TGFBR1: variants seen among roughly 807,000 people sequenced by gnomAD.
TGFBR1 encodes transforming growth factor beta receptor 1.
In TGFBR1, 20 loss-of-function variants were observed where a neutral mutation model predicts 55.1. The ratio of observed to expected loss-of-function variants is 0.36; its 90% CI spans 0.26 to 0.53. The LOEUF (loss-of-function observed/expected upper bound fraction) is 0.53, where lower values mean the gene tolerates loss of function less well. TGFBR1 is among the 20% of genes least tolerant of loss of function. The pLI, the probability that TGFBR1 is intolerant of heterozygous loss-of-function variation, is 0.91. For missense variants in TGFBR1, 385 were observed against 617.6 expected (o/e 0.62, Z 3.99); for synonymous variants, 220 against 214.8 (o/e 1.02, Z -0.21).
At chr9:99,120,469 A>G (rs1826866406) in intron 1 of TGFBR1, among the ~76,000 whole-genome samples, 1 of 152,232 alleles carries the variant, frequency 6.6e-6, no homozygotes, top group South Asian at 2.1e-4. Flanking sequence ...AACTCATTGA[A>G]GTGGAACAAA....
chr9:99,115,623 G>T (rs1207327224), intron 1 of TGFBR1, among the ~76,000 whole-genome samples: 1 of 151,810 alleles, frequency 6.6e-6, no homozygotes, highest in African/African-American at 2.4e-5. Context: ...TTTATTTTTT[G>T]CTTGATGTAT....
chr9:99,129,624 T>C (rs1827156097), intron 2 of TGFBR1, among the ~76,000 whole-genome samples: 2 of 152,178 alleles, frequency 1.3e-5, no homozygotes, highest in Non-Finnish European at 2.9e-5. Flanking sequence ...TGGGGCTGGG[T>C]GCGGTGGCTC....
chr9:99,145,600 A>G (rs192577451), intron 6 of TGFBR1, among the ~76,000 whole-genome samples: 4 of 152,364 alleles, frequency 2.6e-5, no homozygotes, highest in East Asian at 3.9e-4. Context: ...AGTCTTCAAA[A>G]GAACTTAATT....
chr9:99,132,874 A>G (rs1827289083), intron 3 of TGFBR1, 135 bp downstream of exon 3: 1 of 1,248,650 alleles, frequency 8.0e-7, no homozygotes. Flanking sequence ...GAACCTAATA[A>G]AAATCTTTAA....
rs538085939 is a variant in TGFBR1, at chr9:99,110,902, A to G, written c.97+5600A>G. Among the ~76,000 whole-genome samples, 26 of 152,302 alleles carry G rather than the reference A, an allele frequency of 1.7e-4. No homozygotes were observed. The South Asian group carries it at 5.4e-3, about 32-fold the overall frequency. The stretch of plus-strand genomic sequence containing the variant: ...TCTTTTCCTATACAAATGCTCCTCT[A>G]CTTATGATGGGGTCACGTACGTCCA... On this transcript the variant is annotated intron_variant, in intron 1 of 8. Coordinates refer to ENST00000374994, the MANE Select transcript of TGFBR1 (RefSeq NM_004612.4).
intron 1 of TGFBR1, among the ~76,000 whole-genome samples, chr9:99,115,265 C>G (rs192400969): frequency 2.0e-5 from 3 of 152,124 alleles, no homozygotes; most frequent in Admixed American, 2.0e-4. Context: ...AAGACTGAAC[C>G]TCCTTATTTT....
intron 3 of TGFBR1, among the ~76,000 whole-genome samples, chr9:99,134,535 G>A (rs1002885778): frequency 6.6e-6 from 1 of 151,980 alleles, no homozygotes; most frequent in Non-Finnish European, 1.5e-5. Flanking sequence ...AAGTCATCCT[G>A]CTCAAAACTG....
chr9:99,105,083 A>T, upstream of TGFBR1: 2 of 652,932 alleles, frequency 3.1e-6, no homozygotes, highest in Non-Finnish European at 3.9e-6. Flanking sequence ...TCCTCCGAGC[A>T]GTTACAAAGG....
intron 1 of TGFBR1, among the ~76,000 whole-genome samples, chr9:99,105,688 C>T (rs938788422): frequency 5.9e-5 from 9 of 152,110 alleles, no homozygotes; most frequent in African/African-American, 2.2e-4. Context: ...TGGCTGCCCG[C>T]CGCCGCCCCC....
intron 1 of TGFBR1, among the ~76,000 whole-genome samples, chr9:99,121,090 C>T (rs1230847056): frequency 6.6e-6 from 1 of 152,122 alleles, no homozygotes; most frequent in Non-Finnish European, 1.5e-5. Context: ...AAATGATAAA[C>T]AATGCATCTT....
Position 99,132,610 on chromosome 9 carries a change from C to G in TGFBR1, c.445C>G (p.His149Asp). 6.2e-7 allele frequency: 1 copy of G among 1,614,154 alleles called. No homozygotes were observed. The highest frequency in any genetic ancestry group is 8.5e-7 in the Non-Finnish European group (1 of 1,180,022). ...ACTCATGTTGATGGTCTATATCTGC[C>G]ACAACCGCACTGTCATTCACCATCG... ...ISLMLMVYIC[H>D]NRTVIHHRVP... Residue 149 changes from histidine (H) to aspartate (D), a missense_variant, in exon 3 of 9, where the codon CAC becomes GAC. Physicochemically the swap from His to Asp is moderately conservative, Grantham distance 81. Coordinates refer to ENST00000374994, the MANE Select transcript of TGFBR1 (RefSeq NM_004612.4).
chr9:99,142,444 G>T, intron 4 of TGFBR1, 92 bp from the exon 5 acceptor site: 1 of 1,375,174 alleles, frequency 7.3e-7, no homozygotes, highest in East Asian at 2.3e-5. Context: ...TGCAGTGTGT[G>T]ACTCAGGATT....
At chr9:99,129,200 C>T in intron 2 of TGFBR1, 100 bp downstream of exon 2, 1 of 1,362,580 alleles carries the variant, frequency 7.3e-7, no homozygotes, top group African/African-American at 1.4e-5. Context: ...TCTAATCCAG[C>T]TCATTCCGTT....
At position 99,152,946 on chromosome 9, in the gene TGFBR1, G is replaced by A; in HGVS notation, c.*3641G>A. ...CCATTATGCAATCTTGTTTGTAAAT[G>A]TAAACTTCTAAAAATATGGTTAATA... is the stretch of plus-strand genomic sequence containing the variant. On this transcript the variant is annotated 3_prime_UTR_variant, in exon 9 of 9. Coordinates refer to ENST00000374994, the MANE Select transcript of TGFBR1 (RefSeq NM_004612.4). 1 of 229,246 alleles carries A rather than the reference G, an allele frequency of 4.4e-6. No homozygotes were observed. The highest frequency in any genetic ancestry group is 1.8e-4 in the South Asian group (1 of 5,484). 14.2% of individuals were successfully genotyped at this position (229,246 alleles called of 1,614,324 possible).
chr9:99,138,625 G>C (rs1009400256), intron 4 of TGFBR1, among the ~76,000 whole-genome samples: 1 of 152,212 alleles, frequency 6.6e-6, no homozygotes, highest in South Asian at 2.1e-4. Context: ...GTAACTGTAC[G>C]GACACTTTTC....
At chr9:99,148,764 C>G (rs1189496012) in intron 8 of TGFBR1, among the ~76,000 whole-genome samples, 1 of 150,916 alleles carries the variant, frequency 6.6e-6, no homozygotes, top group Admixed American at 6.6e-5. Context: ...CCTGGGAGGT[C>G]AAGGCTGCAG....
chr9:99,146,396 T>C (rs551225260), intron 6 of TGFBR1, 89 bp from the exon 7 acceptor site: 3 of 1,417,362 alleles, frequency 2.1e-6, no homozygotes, highest in African/African-American at 2.8e-5. Flanking sequence ...TACATATGTC[T>C]ATGTATAAAG....
chr9:99,119,505 TTTTC>T lies in TGFBR1; in HGVS notation c.98-9346_98-9343del, dbSNP rs60103476. 3.1e-3 allele frequency among the ~76,000 whole-genome samples: 473 copies of T among 152,336 alleles called. 11 individuals carry two copies. Among genetic ancestry groups the T allele is most frequent in the Admixed American group, 0.026 (405 of 15,300 alleles). ...ACTGTAGATTATCAAGTAATCCTTT[TTTTC>T]TTTGTGTACTTTTGGAATAAATCTA... is the stretch of plus-strand genomic sequence containing the variant. On this transcript the variant is annotated intron_variant, in intron 1 of 8. Coordinates refer to ENST00000374994, the MANE Select transcript of TGFBR1 (RefSeq NM_004612.4).
At chr9:99,104,523 A>T (rs542766348), upstream of TGFBR1, among the ~76,000 whole-genome samples, 16 of 152,114 alleles carry the variant, frequency 1.1e-4, no homozygotes, top group Non-Finnish European at 2.4e-4. Flanking sequence ...TAGGAGAGTG[A>T]GTCGCATGTG....
Sources: gnomAD v4.1 joint callset for allele counts (sites outside exome capture counted in the v4.1 genomes callset) on GRCh38, gnomAD v4.1.1 for gene constraint, MANE v1.5 for transcripts, NCBI Gene and HGNC (gene_info 2026-07-23, HGNC 2026-07-21) for gene names.